EYA1: variants seen among roughly 807,000 people sequenced by gnomAD.
EYA1 encodes the protein protein phosphatase EYA1.
EYA1 carries 16 observed loss-of-function variants against 82.0 expected under a neutral mutation model. The observed-to-expected ratio is 0.20, with a 90% CI of 0.13 to 0.30. The LOEUF (loss-of-function observed/expected upper bound fraction) is 0.30, where lower values mean the gene tolerates loss of function less well. Ranked by LOEUF, EYA1 falls within the 10% of genes least tolerant of loss-of-function variation. The pLI is 1.00. For missense variants in EYA1, 633 were observed against 730.7 expected (o/e 0.87, Z 1.54); for synonymous variants, 261 against 264.4 (o/e 0.99, Z 0.12).
chr8:71,355,590 C>T (rs1336110732), intron 2 of EYA1, among the ~76,000 whole-genome samples: 1 of 152,084 alleles, frequency 6.6e-6, no homozygotes, highest in Non-Finnish European at 1.5e-5. Context: ...ATACAGTGTG[C>T]CCAGTTGAAA....
At chr8:71,335,798 A>AACAC (rs3837168) in intron 3 of EYA1, among the ~76,000 whole-genome samples, 5 of 150,658 alleles carry the variant, frequency 3.3e-5, no homozygotes, top group African/African-American at 9.7e-5. Context: ...CCTCCTTAAA[A>AACAC]ACACACACAC....
chr8:71,506,925 CT>C (rs5892284), intron 2 of EYA1, among the ~76,000 whole-genome samples: 43,965 of 151,132 alleles, frequency 0.29, 6,647 homozygotes, highest in African/African-American at 0.38. Flanking sequence ...ATATAAAGGG[CT>C]AATCTGAACA....
chr8:71,501,549 T>C (rs1811805450), intron 2 of EYA1, among the ~76,000 whole-genome samples: 1 of 152,186 alleles, frequency 6.6e-6, no homozygotes. Flanking sequence ...ATTGAAAGCA[T>C]AAACCAGGCC....
At chr8:71,523,283 A>G (rs932536883) in intron 2 of EYA1, among the ~76,000 whole-genome samples, 1 of 142,000 alleles carries the variant, frequency 7.0e-6, no homozygotes, top group African/African-American at 2.7e-5. Flanking sequence ...GGTTCACGCC[A>G]TTCTCCTGCC....
chr8:71,455,118 A>G (rs1161049376), intron 2 of EYA1, among the ~76,000 whole-genome samples: 1 of 152,220 alleles, frequency 6.6e-6, no homozygotes. Context: ...ATAAGAGAAT[A>G]CTATAAATAC....
intron 2 of EYA1, among the ~76,000 whole-genome samples, chr8:71,474,833 A>G (rs1809522847): frequency 6.6e-6 from 1 of 152,166 alleles, no homozygotes; most frequent in Non-Finnish European, 1.5e-5. Context: ...TGCAATGACT[A>G]TAAAGAATGG....
intron 2 of EYA1, among the ~76,000 whole-genome samples, chr8:71,494,773 T>A (rs556033376): frequency 6.6e-6 from 1 of 152,124 alleles, no homozygotes; most frequent in Non-Finnish European, 1.5e-5. Flanking sequence ...ATCTAAAATA[T>A]GTATAAGGAA....
At chr8:71,278,981 T>C (rs1337642265) in intron 9 of EYA1, among the ~76,000 whole-genome samples, 2 of 152,148 alleles carry the variant, frequency 1.3e-5, no homozygotes, top group South Asian at 2.1e-4. Flanking sequence ...AAGTAGGTAA[T>C]TGAACTCCTA....
intron 3 of EYA1, among the ~76,000 whole-genome samples, chr8:71,347,907 AC>A (rs746800460): frequency 0.012 from 1,438 of 118,404 alleles, 5 homozygotes; most frequent in South Asian, 0.026. Context: ...AAAAAAAAAA[AC>A]CCCAAATCTG....
At chr8:71,404,191 T>TA (rs1394362612) in intron 2 of EYA1, 1 of 152,190 alleles carries the variant, frequency 6.6e-6, no homozygotes, top group African/African-American at 2.4e-5. Context: ...ATGCACATTT[T>TA]AAAAAACAAT....
At chr8:71,474,603 C>G (rs891176325) in intron 2 of EYA1, among the ~76,000 whole-genome samples, 2 of 152,034 alleles carry the variant, frequency 1.3e-5, no homozygotes, top group Admixed American at 6.5e-5. Flanking sequence ...TAAATAATGA[C>G]ATCATATAAA....
chr8:71,301,918 T>G (rs1820242650), intron 7 of EYA1, among the ~76,000 whole-genome samples: 1 of 152,172 alleles, frequency 6.6e-6, no homozygotes, highest in South Asian at 2.1e-4. Context: ...TTTTTGTTTT[T>G]TTTTTAAACA....
At chr8:71,462,437 C>A (rs767637614) in intron 2 of EYA1, among the ~76,000 whole-genome samples, 10 of 152,134 alleles carry the variant, frequency 6.6e-5, no homozygotes, top group Non-Finnish European at 1.5e-4. Context: ...CACCCCTGAG[C>A]CTGCAGGGGA....
chr8:71,512,448 A>G (rs1812673796), intron 2 of EYA1, among the ~76,000 whole-genome samples: 1 of 152,100 alleles, frequency 6.6e-6, no homozygotes, highest in Admixed American at 6.6e-5. Flanking sequence ...GGTGATAAAA[A>G]GCGAGCAAGC....
At chr8:71,412,295 G>C (rs1178605674) in intron 2 of EYA1, among the ~76,000 whole-genome samples, 1 of 145,836 alleles carries the variant, frequency 6.9e-6, no homozygotes, top group Non-Finnish European at 1.5e-5. Flanking sequence ...CGAGTTAGTG[G>C]GTGCAGCGCA....
intron 2 of EYA1, among the ~76,000 whole-genome samples, chr8:71,455,768 G>A (rs1448675778): frequency 6.6e-6 from 1 of 152,100 alleles, no homozygotes; most frequent in Non-Finnish European, 1.5e-5. Context: ...AAAATAATAA[G>A]AGCTATTTAT....
intron 2 of EYA1, among the ~76,000 whole-genome samples, chr8:71,534,842 G>T (rs7838858): frequency 6.7e-6 from 1 of 148,734 alleles, no homozygotes; most frequent in Non-Finnish European, 1.5e-5. Flanking sequence ...TAACCTGCAC[G>T]TTCTGCACAT....
At chr8:71,467,465 TG>T (rs1201518396) in intron 2 of EYA1, among the ~76,000 whole-genome samples, 2 of 152,104 alleles carry the variant, frequency 1.3e-5, no homozygotes, top group Admixed American at 1.3e-4. Context: ...AAAGAGAAGT[TG>T]TTGTTGTGTT....
At chr8:71,357,439 C>T (rs1310310043) in intron 1 of EYA1, among the ~76,000 whole-genome samples, 1 of 152,240 alleles carries the variant, frequency 6.6e-6, no homozygotes, top group Non-Finnish European at 1.5e-5. Context: ...GGTGATAAAG[C>T]TCAGGTGAGG....
Sources: gnomAD v4.1 joint callset for allele counts (sites outside exome capture counted in the v4.1 genomes callset) on GRCh38, gnomAD v4.1.1 for gene constraint, MANE v1.5 for transcripts, NCBI Gene and HGNC (gene_info 2026-07-23, HGNC 2026-07-21) for gene names.